NAV2: variants seen among roughly 807,000 people sequenced by gnomAD.
The protein encoded by NAV2 is neuron navigator 2.
In NAV2, 54 loss-of-function variants were observed where a neutral mutation model predicts 223.2. The ratio of observed to expected loss-of-function variants is 0.24; its 90% CI spans 0.19 to 0.30. NAV2 has a LOEUF of 0.30. NAV2 is among the 10% of genes least tolerant of loss of function. NAV2 has a pLI of 1.00. For missense variants in NAV2, 2,806 were observed against 3,147.5 expected (o/e 0.89, Z 2.60); for synonymous variants, 1,279 against 1,239.3 (o/e 1.03, Z -0.67).
At chr11:19,968,332 T>G (rs1006830634) in intron 10 of NAV2, among the ~76,000 whole-genome samples, 1 of 152,176 alleles carries the variant, frequency 6.6e-6, no homozygotes, top group Non-Finnish European at 1.5e-5. Flanking sequence ...TTCTTCTGCC[T>G]CAGCCTCCCA....
At chr11:19,488,887 G>T (rs1392341914) in intron 1 of NAV2, among the ~76,000 whole-genome samples, 1 of 152,120 alleles carries the variant, frequency 6.6e-6, no homozygotes, top group Non-Finnish European at 1.5e-5. Flanking sequence ...CTACTGACAG[G>T]TCTTCCAGTC....
At chr11:20,016,022 C>A (rs1012077291) in intron 11 of NAV2, among the ~76,000 whole-genome samples, 1 of 152,152 alleles carries the variant, frequency 6.6e-6, no homozygotes, top group African/African-American at 2.4e-5. Flanking sequence ...ATTCTCTGAG[C>A]GCCGGTTTCT....
At chr11:20,090,781 A>G in intron 26 of NAV2, 84 bp from the exon 27 acceptor site, 1 of 1,462,610 alleles carries the variant, frequency 6.8e-7, no homozygotes, top group Admixed American at 1.8e-5. Flanking sequence ...TTACTGCTAA[A>G]CAAACCTGAT....
intron 6 of NAV2, among the ~76,000 whole-genome samples, chr11:19,909,616 T>C (rs2043147300): frequency 6.6e-6 from 1 of 152,088 alleles, no homozygotes; most frequent in Admixed American, 6.6e-5. Flanking sequence ...GTAAAACATC[T>C]CATGGTTTTC....
intron 1 of NAV2, among the ~76,000 whole-genome samples, chr11:19,435,197 C>T (rs1411674710): frequency 6.6e-6 from 1 of 152,136 alleles, no homozygotes; most frequent in Admixed American, 6.5e-5. Flanking sequence ...ACTATATCCT[C>T]CGACCAATGT....
At position 20,000,127 on chromosome 11, in the gene NAV2, A is replaced by C. The variant is rs371711478; in HGVS notation, c.2768+15880A>C. On this transcript the variant is annotated intron_variant, in intron 11 of 37. Coordinates refer to ENST00000349880, the MANE Select transcript of NAV2 (RefSeq NM_145117.5). Reference sequence around the variant, plus strand: ...ATGAAAAAAAGGCAGAAGATATTTAAGGCCTGAGACCCTGATGGATAACTG... The same window carrying C: ...ATGAAAAAAAGGCAGAAGATATTTACGGCCTGAGACCCTGATGGATAACTG... Among the ~76,000 whole-genome samples, 3 of 152,296 alleles carry C rather than the reference A, an allele frequency of 2.0e-5. No individual in the cohort carries two copies. The East Asian group carries it at 5.8e-4, about 29-fold the overall frequency.
chr11:19,427,778 T>C (rs1850889687), intron 1 of NAV2, among the ~76,000 whole-genome samples: 1 of 152,218 alleles, frequency 6.6e-6, no homozygotes, highest in Non-Finnish European at 1.5e-5. Context: ...AAGCCGAATA[T>C]CTTCCGTACT....
At chr11:19,414,644 T>C (rs993023614) in intron 1 of NAV2, among the ~76,000 whole-genome samples, 1 of 152,176 alleles carries the variant, frequency 6.6e-6, no homozygotes, top group East Asian at 1.9e-4. Context: ...GAATATACCA[T>C]CTTCTCAGCA....
chr11:19,845,239 G>A (rs548853401), intron 3 of NAV2, among the ~76,000 whole-genome samples: 6 of 152,228 alleles, frequency 3.9e-5, no homozygotes, highest in Non-Finnish European at 5.9e-5. Context: ...TAGGGTGTGA[G>A]CCACCATTTC....
chr11:19,873,311 C>G (rs2153064147), intron 4 of NAV2, among the ~76,000 whole-genome samples: 1 of 152,070 alleles, frequency 6.6e-6, no homozygotes, highest in Non-Finnish European at 1.5e-5. Context: ...CAAAGACAGG[C>G]AAATCAACTT....
chr11:19,457,698 G>A (rs543715641), intron 1 of NAV2, among the ~76,000 whole-genome samples: 3 of 152,296 alleles, frequency 2.0e-5, no homozygotes. Flanking sequence ...AGTCATCCCT[G>A]CAGGAGATGC....
Position 20,078,367 on chromosome 11 carries a change from A to G in NAV2, c.5179+263A>G, listed in dbSNP as rs115124806. ...GTTTCTATTGGCAGAGTGTTAAAGT[A>G]TTTTACAACCCTTAATTTCACTAGC... On this transcript the variant is annotated intron_variant, in intron 24 of 37. Coordinates refer to ENST00000349880, the MANE Select transcript of NAV2 (RefSeq NM_145117.5). Among the ~76,000 whole-genome samples the G allele has an allele frequency of 1.3e-3, 195 of 152,344 alleles. 1 individual carries two copies. The highest frequency in any genetic ancestry group is 4.5e-3 in the African/African-American group (186 of 41,586).
intron 1 of NAV2, among the ~76,000 whole-genome samples, chr11:19,732,051 C>G (rs1235215137): frequency 6.6e-6 from 1 of 151,918 alleles, no homozygotes; most frequent in Admixed American, 6.6e-5. Flanking sequence ...GAGTTTGAGA[C>G]CAGCCTGGCC....
chr11:19,369,502 G>A (rs1026598508), intron 1 of NAV2, among the ~76,000 whole-genome samples: 3 of 152,152 alleles, frequency 2.0e-5, no homozygotes, highest in African/African-American at 7.2e-5. Context: ...AACCAGGCCT[G>A]TTCATGGAGA....
intron 1 of NAV2, among the ~76,000 whole-genome samples, chr11:19,775,266 G>T (rs1181805997): frequency 1.3e-5 from 2 of 152,140 alleles, no homozygotes; most frequent in Non-Finnish European, 2.9e-5. Flanking sequence ...CCTAGCCTGT[G>T]CCCCTTCCCT....
At chr11:19,703,122 TAAAG>T (rs2049557604) in intron 1 of NAV2, among the ~76,000 whole-genome samples, 1 of 146,264 alleles carries the variant, frequency 6.8e-6, no homozygotes, top group Non-Finnish European at 1.5e-5. Flanking sequence ...ATATAAATAA[TAAAG>T]AAAATAATAT....
intron 1 of NAV2, among the ~76,000 whole-genome samples, chr11:19,474,828 A>G (rs1338672626): frequency 1.3e-5 from 2 of 152,118 alleles, no homozygotes; most frequent in African/African-American, 4.8e-5. Context: ...AGGTCTTGAG[A>G]CCTCAGGCAA....
intron 33 of NAV2, 108 bp downstream of exon 33, chr11:20,103,517 A>T: frequency 2.0e-6 from 3 of 1,498,770 alleles, no homozygotes; most frequent in Non-Finnish European, 2.8e-6. Context: ...GAAGCTGTGC[A>T]CACGCATAGG....
intron 1 of NAV2, among the ~76,000 whole-genome samples, chr11:19,540,058 G>C (rs1350082529): frequency 6.6e-6 from 1 of 152,182 alleles, no homozygotes; most frequent in Non-Finnish European, 1.5e-5. Flanking sequence ...AGCAACTGAG[G>C]GGGTAAACAC....
Sources: gnomAD v4.1 joint callset for allele counts (sites outside exome capture counted in the v4.1 genomes callset) on GRCh38, gnomAD v4.1.1 for gene constraint, MANE v1.5 for transcripts, NCBI Gene and HGNC (gene_info 2026-07-23, HGNC 2026-07-21) for gene names.